The following PTPRG variants were observed in gnomAD, a reference collection of about 807,000 sequenced individuals.
PTPRG encodes receptor-type tyrosine-protein phosphatase gamma.
Under a neutral mutation model 165.3 loss-of-function variants are expected in PTPRG, and 102 were observed. The ratio of observed to expected loss-of-function variants is 0.62; its 90% CI spans 0.53 to 0.73. The LOEUF is 0.73. Among genes scored for constraint, PTPRG ranks in the 30% least tolerant of loss-of-function variants. The pLI, the probability that PTPRG is intolerant of heterozygous loss-of-function variation, is 0.00. For missense variants in PTPRG, 1,866 were observed against 1,861.4 expected, an observed-to-expected ratio of 1.00 and a Z score of -0.05; for synonymous variants, 675 against 669.5, an observed-to-expected ratio of 1.01 and a Z score of -0.13.
intron 4 of PTPRG, among the ~76,000 whole-genome samples, chr3:62,012,652 G>A (rs542106938): frequency 5.3e-5 from 8 of 152,162 alleles, no homozygotes; most frequent in African/African-American, 9.6e-5. Flanking sequence ...CATTTTCATT[G>A]CAACCCGTCA....
At chr3:61,968,623 A>C (rs1045399168) in intron 2 of PTPRG, among the ~76,000 whole-genome samples, 1 of 152,136 alleles carries the variant, frequency 6.6e-6, no homozygotes, top group South Asian at 2.1e-4. Context: ...CTTTTTATAG[A>C]TCTATTTGAT....
chr3:61,648,360 G>T (rs1163657557), intron 1 of PTPRG, among the ~76,000 whole-genome samples: 1 of 152,168 alleles, frequency 6.6e-6, no homozygotes, highest in Non-Finnish European at 1.5e-5. Context: ...ATTCTTTCCT[G>T]CCTTGAATGC....
At chr3:61,974,113 G>C (rs953506143) in intron 2 of PTPRG, among the ~76,000 whole-genome samples, 1 of 151,982 alleles carries the variant, frequency 6.6e-6, no homozygotes, top group African/African-American at 2.4e-5. Context: ...CCTCATGACT[G>C]TCTTTTTTAG....
At chr3:62,206,761 C>A (rs533441802) in intron 12 of PTPRG, among the ~76,000 whole-genome samples, 1 of 151,720 alleles carries the variant, frequency 6.6e-6, no homozygotes, top group South Asian at 2.1e-4. Context: ...GGTGAAACCC[C>A]GTCTCTAGAA....
At chr3:61,940,543 T>C (rs2039595487) in intron 2 of PTPRG, among the ~76,000 whole-genome samples, 1 of 152,214 alleles carries the variant, frequency 6.6e-6, no homozygotes, top group Non-Finnish European at 1.5e-5. Flanking sequence ...GCATGTGCTC[T>C]GTGTGTCTTG....
chr3:61,852,700 A>G (rs1327950581), intron 2 of PTPRG, among the ~76,000 whole-genome samples: 1 of 152,166 alleles, frequency 6.6e-6, no homozygotes, highest in Non-Finnish European at 1.5e-5. Flanking sequence ...TGGTCTTTGT[A>G]TTATGGTGCC....
chr3:62,164,523 C>A (rs945258096), intron 7 of PTPRG, among the ~76,000 whole-genome samples: 4 of 152,134 alleles, frequency 2.6e-5, no homozygotes, highest in African/African-American at 9.7e-5. Flanking sequence ...GTCCTCCTTT[C>A]CCTCTTTTGT....
intron 27 of PTPRG, 144 bp from the exon 28 acceptor site, chr3:62,282,583 C>G (rs1702494205): frequency 1.4e-6 from 1 of 706,632 alleles, no homozygotes; most frequent in Non-Finnish European, 2.1e-6. Flanking sequence ...TGGTATTTTT[C>G]TTCTTTCCAG....
intron 15 of PTPRG, among the ~76,000 whole-genome samples, chr3:62,251,218 C>T (rs534947224): frequency 2.6e-5 from 4 of 152,236 alleles, no homozygotes; most frequent in African/African-American, 9.6e-5. Flanking sequence ...TAGTGAGACC[C>T]CATCTCTACA....
chr3:62,053,037 A>T (rs1700513087), intron 4 of PTPRG, among the ~76,000 whole-genome samples: 2 of 152,114 alleles, frequency 1.3e-5, no homozygotes, highest in Admixed American at 6.6e-5. Flanking sequence ...TCTTGAATCC[A>T]TTCGCTTTTC....
At chr3:61,977,611 A>G (rs753063945) in intron 2 of PTPRG, among the ~76,000 whole-genome samples, 7 of 151,960 alleles carry the variant, frequency 4.6e-5, no homozygotes, top group Non-Finnish European at 7.4e-5. Context: ...TTTTCACAGA[A>G]TGGCATTAGA....
chr3:62,230,209 ATAAT>A (rs1271358036), intron 13 of PTPRG, among the ~76,000 whole-genome samples: 1 of 152,222 alleles, frequency 6.6e-6, no homozygotes, highest in Non-Finnish European at 1.5e-5. Context: ...ATGGAGTCTA[ATAAT>A]TAATACAATC....
chr3:61,869,385 A>G (rs2037496531), intron 2 of PTPRG, among the ~76,000 whole-genome samples: 1 of 152,174 alleles, frequency 6.6e-6, no homozygotes, highest in Non-Finnish European at 1.5e-5. Context: ...GTCATGTTTC[A>G]TTATTTTGGC....
chr3:61,805,530 C>CAA (rs58646519), intron 2 of PTPRG, among the ~76,000 whole-genome samples: 17,311 of 96,338 alleles, frequency 0.18, 1,271 homozygotes, highest in South Asian at 0.24. Context: ...ATGGGAAAGA[C>CAA]AAAAAAAAAA....
intron 2 of PTPRG, among the ~76,000 whole-genome samples, chr3:61,783,208 C>T (rs190266026): frequency 2.6e-3 from 403 of 152,228 alleles, no homozygotes; most frequent in African/African-American, 9.5e-3. Context: ...GACATGGTAG[C>T]ATGTGCCTAT....
At chr3:61,589,777 A>G (rs1266737421) in intron 1 of PTPRG, among the ~76,000 whole-genome samples, 1 of 150,664 alleles carries the variant, frequency 6.6e-6, no homozygotes, top group African/African-American at 2.5e-5. Flanking sequence ...GGATGGGTAG[A>G]TGGGTGGATG....
intron 7 of PTPRG, among the ~76,000 whole-genome samples, chr3:62,158,315 C>T (rs1704618226): frequency 6.6e-6 from 1 of 152,126 alleles, no homozygotes; most frequent in Non-Finnish European, 1.5e-5. Context: ...ATTTCTTCTG[C>T]ATTATTCCCA....
chr3:62,024,329 A>G (rs1249514212), intron 4 of PTPRG, among the ~76,000 whole-genome samples: 5 of 152,166 alleles, frequency 3.3e-5, no homozygotes, highest in African/African-American at 4.8e-5. Flanking sequence ...CAGAACTCCC[A>G]TCTCCCCACT....
intron 2 of PTPRG, among the ~76,000 whole-genome samples, chr3:61,878,946 C>T (rs1182073847): frequency 6.6e-6 from 1 of 152,184 alleles, no homozygotes; most frequent in African/African-American, 2.4e-5. Flanking sequence ...AGATCACTAA[C>T]CTGTGCATAC....
Sources: allele counts gnomAD v4.1 joint callset (sites outside exome capture counted in the v4.1 genomes callset), GRCh38; gene constraint gnomAD v4.1.1; transcripts MANE v1.5; gene names NCBI Gene and HGNC (gene_info 2026-07-23, HGNC 2026-07-21).